Variants in SPTAN1 observed in about 807,000 individuals in gnomAD.
The protein encoded by SPTAN1 is spectrin alpha, non-erythrocytic 1.
A neutral mutation model predicts 331.3 loss-of-function variants in SPTAN1; 61 were observed. That is an observed-to-expected ratio of 0.18 (90% CI 0.15 to 0.23). The LOEUF is 0.23. Among genes scored for constraint, SPTAN1 ranks in the 10% least tolerant of loss-of-function variants. The pLI is 1.00. For synonymous variants in SPTAN1, 1,153 were observed against 1,173.9 expected, an observed-to-expected ratio of 0.98 and a Z score of 0.36; for missense variants, 2,043 against 3,147.9, an observed-to-expected ratio of 0.65 and a Z score of 8.40.
intron 44 of SPTAN1, among the ~76,000 whole-genome samples, 159 bp from the exon 45 acceptor site, chr9:128,620,999 C>G (rs1189749469): frequency 6.6e-6 from 1 of 152,182 alleles, no homozygotes; most frequent in African/African-American, 2.4e-5. Flanking sequence ...TTATGATTCT[C>G]TATTTATTAA....
chr9:128,626,415 G>A lies in SPTAN1; in HGVS notation c.6304G>A (p.Ala2102Thr). 1 of 1,614,106 alleles carries A rather than the reference G, an allele frequency of 6.2e-7. No individual in the cohort carries two copies. The highest frequency in any genetic ancestry group is 8.5e-7 in the Non-Finnish European group (1 of 1,180,022). The stretch of plus-strand genomic sequence containing the variant: ...GGTGGAGGACCTCTTCCTGACCTTC[G>A]CCAAAAAGGCTTCTGCCTTCAACAG... ...RKVEDLFLTF[A>T]KKASAFNSWF... is the part of the protein sequence containing the mutation. The change falls in exon 49 of 57, where the codon GCC becomes ACC. Residue 2102 changes from alanine (A) to threonine (T), a missense_variant. Transcript: ENST00000372739.
At position 128,624,086 on chromosome 9, in the gene SPTAN1, C is replaced by CAAA. The variant is rs11444346; in HGVS notation, c.5833-218_5833-216dup. Among the ~76,000 whole-genome samples the CAAA allele has an allele frequency of 2.7e-4, 18 of 66,780 alleles. 1 individual carries two copies. Among genetic ancestry groups the CAAA allele is most frequent in the Non-Finnish European group, 5.7e-4 (16 of 28,026 alleles). The allele number at this position is 66,780 out of a possible 152,430, so 43.8% of individuals were successfully genotyped here. ...CGACGGAGTGAAATTCACTCCGTCT[C>CAAA]AAAAAAAAAAAAAAAAAAAAAAAAA... On this transcript the variant is annotated intron_variant, in intron 45 of 56. Coordinates refer to ENST00000372739, the MANE Select transcript of SPTAN1 (RefSeq NM_001130438.3).
chr9:128,553,678 T>C (rs920814119), intron 1 of SPTAN1, among the ~76,000 whole-genome samples: 9 of 152,202 alleles, frequency 5.9e-5, no homozygotes, highest in Non-Finnish European at 1.2e-4. Flanking sequence ...GAAAGCTGGG[T>C]TGAGATGATG....
At chr9:128,591,706 TC>T in intron 22 of SPTAN1, 81 bp downstream of exon 22, 1 of 1,569,196 alleles carries the variant, frequency 6.4e-7, no homozygotes, top group South Asian at 1.1e-5. Flanking sequence ...CTTAGGCGTG[TC>T]CTGAGGCTCC....
intron 28 of SPTAN1, 58 bp downstream of exon 28, chr9:128,603,648 C>A: frequency 6.3e-7 from 1 of 1,590,230 alleles, no homozygotes; most frequent in Non-Finnish European, 8.6e-7. Context: ...TATCTTCCTT[C>A]CCTGTCTACA....
chr9:128,570,353 T>C (rs1348758142), intron 3 of SPTAN1, among the ~76,000 whole-genome samples: 2 of 97,838 alleles, frequency 2.0e-5, no homozygotes, highest in African/African-American at 8.7e-5. Context: ...TTTTTTTTTT[T>C]TGAGACGAAG....
At chr9:128,578,318 G>A in intron 9 of SPTAN1, 73 bp downstream of exon 9, 1 of 1,584,512 alleles carries the variant, frequency 6.3e-7, no homozygotes, top group Non-Finnish European at 8.6e-7. Context: ...AGTGTTGGGT[G>A]AGGCCTATAG....
Position 128,608,172 on chromosome 9 carries a change from G to A in SPTAN1, c.4387G>A (p.Ala1463Thr), listed in dbSNP as rs565590476. The change falls in exon 34 of 57, where the codon GCC (alanine) becomes ACC (threonine). Residue 1463 changes from alanine (A) to threonine (T), a missense_variant. Ala to Thr is a moderately conservative substitution (Grantham distance 58). Coordinates refer to ENST00000372739, the MANE Select transcript of SPTAN1 (RefSeq NM_001130438.3). ...DCEQAENWMA[A>T]REAFLNTEDK... The stretch of plus-strand genomic sequence containing the variant: ...TGAGCAAGCTGAGAACTGGATGGCT[G>A]CCCGGGAGGCCTTCTTGAATACCGA... 6.2e-7 allele frequency: 1 copy of A among 1,614,154 alleles called. No individual in the cohort carries two copies. Among genetic ancestry groups the A allele is most frequent in the East Asian group, 2.2e-5 (1 of 44,888 alleles).
At chr9:128,594,475 A>G (rs1853958128) in intron 24 of SPTAN1, 102 bp downstream of exon 24, 2 of 1,146,982 alleles carry the variant, frequency 1.7e-6, no homozygotes, top group East Asian at 5.2e-5. Context: ...CTGTCATCCA[A>G]GCTGGAGTGC....
Position 128,588,658 on chromosome 9 carries a change from A to T in SPTAN1, c.2872-151A>T, listed in dbSNP as rs923478931. ...GATACCAAAAATTTAAAGTTCTTGG[A>T]TCAGATTTTATTGGTAGCTTCAGTG... On this transcript the variant is annotated intron_variant, in intron 20 of 56. Coordinates refer to ENST00000372739, the MANE Select transcript of SPTAN1 (RefSeq NM_001130438.3). 4.3e-6 allele frequency: 5 copies of T among 1,175,964 alleles called. No individual in the cohort carries two copies. The African/African-American group carries it at 7.6e-5, about 18-fold the overall frequency. 72.8% of individuals were successfully genotyped at this position (1,175,964 alleles called of 1,614,324 possible). A position where few individuals can be genotyped will look rare whatever the true frequency, so the allele number is the denominator to read the frequency against.
chr9:128,583,818 A>G lies in SPTAN1; in HGVS notation c.2042A>G (p.Gln681Arg), dbSNP rs1852238680. 6.2e-7 allele frequency: 1 copy of G among 1,614,116 alleles called. No individual in the cohort carries two copies. Among genetic ancestry groups the G allele is most frequent in the Admixed American group, 1.7e-5 (1 of 60,006 alleles). ...AAGCTTCGTGAAGCCAACCAGCAAC[A>G]GCAATTTAATCGCAATGTTGAGGAT... ...GIKLREANQQQQFNRNVEDIE... is the reference protein window; with the variant it reads ...GIKLREANQQRQFNRNVEDIE... The change falls in exon 16 of 57, where the codon CAG becomes CGG. Residue 681 changes from glutamine to arginine, a missense_variant. Coordinates refer to ENST00000372739, the MANE Select transcript of SPTAN1 (RefSeq NM_001130438.3).
At chr9:128,566,484 T>C (rs1850051051) in intron 1 of SPTAN1, among the ~76,000 whole-genome samples, 1 of 152,136 alleles carries the variant, frequency 6.6e-6, no homozygotes. Flanking sequence ...CAGTTTTCAT[T>C]TGGTTTCCTT....
intron 3 of SPTAN1, among the ~76,000 whole-genome samples, chr9:128,572,121 A>G (rs952672713): frequency 1.3e-3 from 199 of 152,262 alleles, no homozygotes; most frequent in African/African-American, 4.6e-3. Context: ...CGGCCTCCCA[A>G]AGTGCTGGGA....
rs1858755726 is a variant in SPTAN1 at position 128,626,408 on chromosome 9, G to C, written c.6297G>C (p.Leu2099=). ...GCTTCCAGGTGGAGGACCTCTTCCT[G>C]ACCTTCGCCAAAAAGGCTTCTGCCT... The part of the protein sequence containing the change: ...SHFRKVEDLF[L]TFAKKASAFN... Residue 2099 remains leucine (L), a synonymous_variant, in exon 49 of 57, where the codon CTG becomes CTC. Coordinates refer to ENST00000372739, the MANE Select transcript of SPTAN1 (RefSeq NM_001130438.3). The C allele has an allele frequency of 6.2e-7, 1 of 1,613,966 alleles. No homozygotes were observed.
chr9:128,608,069 C>G lies in SPTAN1; in HGVS notation c.4344+20C>G, dbSNP rs1396457756. On this transcript the variant is annotated intron_variant, in intron 33 of 56. Coordinates refer to ENST00000372739, the MANE Select transcript of SPTAN1 (RefSeq NM_001130438.3). ...CTGCAGGTGTGTGTGCTCCTGGTTT[C>G]TGACCAAGTGTTTCCTTGCTGAAGG... 9 of 1,614,046 alleles carry G rather than the reference C, an allele frequency of 5.6e-6. No homozygotes were observed. The highest frequency in any genetic ancestry group is 1.3e-5 in the African/African-American group (1 of 74,914).
At chr9:128,562,081 C>T (rs917886523) in intron 1 of SPTAN1, among the ~76,000 whole-genome samples, 19 of 152,138 alleles carry the variant, frequency 1.2e-4, no homozygotes, top group African/African-American at 3.4e-4. Flanking sequence ...TCATAGAGGA[C>T]GAGGCATTTG....
At chr9:128,591,702 C>A in intron 22 of SPTAN1, 77 bp downstream of exon 22, 1 of 1,585,152 alleles carries the variant, frequency 6.3e-7, no homozygotes, top group Non-Finnish European at 8.6e-7. Context: ...GAAGCTTAGG[C>A]GTGTCCTGAG....
rs768098501 is a variant in SPTAN1, at chr9:128,588,863, T to G, written c.2926T>G (p.Tyr976Asp). The change falls in exon 21 of 57, where the codon TAC becomes GAC. Residue 976 changes from tyrosine to aspartate, a missense_variant. This residue lies in a region of SPTAN1 where 1,038 missense variants were observed against 1,531.5 expected (regional missense o/e 0.68). Coordinates refer to ENST00000372739, the MANE Select transcript of SPTAN1 (RefSeq NM_001130438.3). ...ETGKELVLAL[Y>D]DYQEKSPREV... is the part of the protein sequence containing the mutation. The stretch of plus-strand genomic sequence containing the variant: ...TGGGAAGGAGCTGGTCTTGGCTCTC[T>G]ACGACTATCAGGAGAAGAGTCCCCG... 1.2e-6 allele frequency: 2 copies of G among 1,614,050 alleles called. No homozygotes were observed. Among genetic ancestry groups the G allele is most frequent in the African/African-American group, 2.7e-5 (2 of 74,926 alleles).
intron 17 of SPTAN1, 54 bp from the exon 18 acceptor site, chr9:128,584,667 G>C: frequency 1.2e-6 from 2 of 1,614,204 alleles, no homozygotes; most frequent in Non-Finnish European, 1.7e-6. Flanking sequence ...TGACAAATCA[G>C]TGCTGACTTT....
Sources: gnomAD v4.1 joint callset for allele counts (sites outside exome capture counted in the v4.1 genomes callset) on GRCh38, gnomAD v4.1.1 for gene constraint, gnomAD v4.1.1 regional missense constraint, MANE v1.5 for transcripts, NCBI Gene and HGNC (gene_info 2026-07-23, HGNC 2026-07-21) for gene names.